The following GALNT17 variants were observed in gnomAD, a reference collection of about 807,000 sequenced individuals.
GALNT17 encodes polypeptide N-acetylgalactosaminyltransferase 17, also known as UDP-GalNAc:polypeptide N-acetylgalactosaminyltransferase-like 3.
Under a neutral mutation model 63.7 loss-of-function variants are expected in GALNT17, and 29 were observed. The ratio of observed to expected loss-of-function variants is 0.46; its 90% CI spans 0.34 to 0.62. GALNT17 has a LOEUF of 0.62. Ranked by LOEUF, GALNT17 falls within the 20% of genes least tolerant of loss-of-function variation. GALNT17 has a pLI of 0.01. For synonymous variants in GALNT17, 305 were observed against 318.3 expected (o/e 0.96, Z 0.45); for missense variants, 603 against 799.6 (o/e 0.75, Z 2.97).
intron 1 of GALNT17, among the ~76,000 whole-genome samples, chr7:71,137,302 G>A (rs1787804329): frequency 6.6e-6 from 1 of 152,004 alleles, no homozygotes; most frequent in South Asian, 2.1e-4. Context: ...ACCACGCCCG[G>A]CTAATTTTTT....
intron 9 of GALNT17, 122 bp downstream of exon 9, chr7:71,677,428 A>T (rs1791169441): frequency 1.1e-6 from 1 of 928,792 alleles, no homozygotes; most frequent in Non-Finnish European, 1.6e-6. Context: ...TTCTGAGAAA[A>T]ATTTTTAAGA....
At chr7:71,348,258 C>T (rs1363987486) in intron 2 of GALNT17, among the ~76,000 whole-genome samples, 3 of 130,228 alleles carry the variant, frequency 2.3e-5, no homozygotes, top group South Asian at 2.5e-4. Flanking sequence ...GAGACTCTGT[C>T]TCAAAAAAAA....
At chr7:71,552,922 G>A (rs1789104845) in intron 5 of GALNT17, among the ~76,000 whole-genome samples, 1 of 152,198 alleles carries the variant, frequency 6.6e-6, no homozygotes, top group South Asian at 2.1e-4. Context: ...ACACCTCAAG[G>A]TAGAAGGAAA....
chr7:71,443,528 A>C (rs1193449850), intron 5 of GALNT17, among the ~76,000 whole-genome samples: 3 of 151,996 alleles, frequency 2.0e-5, no homozygotes, highest in African/African-American at 7.3e-5. Context: ...TTAAAAGAGC[A>C]TGGCACTTTC....
chr7:71,299,418 G>A (rs1362012157), intron 1 of GALNT17, among the ~76,000 whole-genome samples: 1 of 152,150 alleles, frequency 6.6e-6, no homozygotes, highest in Admixed American at 6.5e-5. Flanking sequence ...CTAGGAGGTG[G>A]CAATTATTTG....
At chr7:71,263,068 G>A (rs942137716) in intron 1 of GALNT17, among the ~76,000 whole-genome samples, 2 of 152,082 alleles carry the variant, frequency 1.3e-5, no homozygotes, top group Admixed American at 1.3e-4. Context: ...AGGATAAGAC[G>A]GGCCATCTGC....
chr7:71,357,962 A>T (rs983618599), intron 2 of GALNT17, among the ~76,000 whole-genome samples: 1 of 152,202 alleles, frequency 6.6e-6, no homozygotes, highest in African/African-American at 2.4e-5. Flanking sequence ...CTCTGATTGG[A>T]CAGAAATGGA....
At chr7:71,191,132 A>G (rs1018866639) in intron 1 of GALNT17, among the ~76,000 whole-genome samples, 2 of 152,196 alleles carry the variant, frequency 1.3e-5, no homozygotes, top group South Asian at 2.1e-4. Context: ...AGAAACACAT[A>G]CATTTATGTA....
intron 6 of GALNT17, among the ~76,000 whole-genome samples, chr7:71,660,674 G>T (rs1790895187): frequency 6.6e-6 from 1 of 152,180 alleles, no homozygotes; most frequent in African/African-American, 2.4e-5. Flanking sequence ...GGACTCAGAG[G>T]CCAAGGTGGA....
chr7:71,474,321 A>T (rs772655447), intron 5 of GALNT17, among the ~76,000 whole-genome samples: 1 of 152,078 alleles, frequency 6.6e-6, no homozygotes, highest in Non-Finnish European at 1.5e-5. Context: ...TTTGACCTGT[A>T]TCTTGTGCTC....
intron 1 of GALNT17, among the ~76,000 whole-genome samples, chr7:71,272,544 C>A (rs1249533878): frequency 6.7e-6 from 1 of 148,724 alleles, no homozygotes; most frequent in Non-Finnish European, 1.5e-5. Flanking sequence ...AGATGTCATG[C>A]AGGCTTTTGT....
chr7:71,627,075 A>G (rs1024596248), intron 6 of GALNT17, among the ~76,000 whole-genome samples: 2 of 152,202 alleles, frequency 1.3e-5, no homozygotes, highest in African/African-American at 4.8e-5. Flanking sequence ...CATGGAATAC[A>G]GTTTCATGGG....
intron 4 of GALNT17, among the ~76,000 whole-genome samples, chr7:71,416,297 G>A (rs1016533344): frequency 1.3e-5 from 2 of 152,136 alleles, no homozygotes; most frequent in South Asian, 2.1e-4. Flanking sequence ...CATCATCATC[G>A]TCATCAAAAT....
At chr7:71,507,754 T>G (rs925707647) in intron 5 of GALNT17, among the ~76,000 whole-genome samples, 2 of 152,192 alleles carry the variant, frequency 1.3e-5, no homozygotes, top group Non-Finnish European at 2.9e-5. Flanking sequence ...ACTGCACACT[T>G]GCCCAGAGTT....
At chr7:71,573,940 G>A (rs906891284) in intron 6 of GALNT17, among the ~76,000 whole-genome samples, 2 of 152,176 alleles carry the variant, frequency 1.3e-5, no homozygotes, top group African/African-American at 4.8e-5. Flanking sequence ...TTGGTTGGAT[G>A]TTCCTGCATT....
intron 6 of GALNT17, among the ~76,000 whole-genome samples, chr7:71,602,575 G>A (rs1389043480): frequency 1.3e-5 from 2 of 152,124 alleles, no homozygotes; most frequent in Admixed American, 6.6e-5. Context: ...ACACAGATTC[G>A]GTTTTGCTTC....
chr7:71,517,963 G>A (rs555741473), intron 5 of GALNT17, among the ~76,000 whole-genome samples: 9 of 152,288 alleles, frequency 5.9e-5, no homozygotes, highest in East Asian at 1.9e-4. Context: ...TTTGGGTGAC[G>A]AATTCTTATC....
chr7:71,496,979 G>A (rs933798767), intron 5 of GALNT17, among the ~76,000 whole-genome samples: 5 of 152,094 alleles, frequency 3.3e-5, no homozygotes, highest in Non-Finnish European at 5.9e-5. Context: ...TCAGGAGGCT[G>A]AGGCAGGAGG....
chr7:71,521,393 C>G (rs1222200895), intron 5 of GALNT17, among the ~76,000 whole-genome samples: 7 of 152,298 alleles, frequency 4.6e-5, no homozygotes, highest in South Asian at 2.1e-4. Context: ...GGAAGACGCC[C>G]TTTCCTTCAT....
Sources: allele counts gnomAD v4.1 joint callset (sites outside exome capture counted in the v4.1 genomes callset), GRCh38; gene constraint gnomAD v4.1.1; transcripts MANE v1.5; gene names NCBI Gene and HGNC (gene_info 2026-07-23, HGNC 2026-07-21).